The following UGT1A8 variants were observed in gnomAD, a reference collection of about 807,000 sequenced individuals.
UGT1A8 encodes the protein UDP glucuronosyltransferase family 1 member A8, also known as UDP-glucuronosyltransferase 1A8.
In UGT1A8, 39 loss-of-function variants were observed where a neutral mutation model predicts 45.3. The ratio of observed to expected loss-of-function variants is 0.86; its 90% confidence interval spans 0.67 to 1.12. The LOEUF (loss-of-function observed/expected upper bound fraction) is 1.12, where lower values mean the gene tolerates loss of function less well. Among genes scored for constraint, UGT1A8 ranks in the 50% most tolerant of loss-of-function variants. The probability of loss-of-function intolerance (pLI) is 0.00; values close to 1 mark genes in which losing one functional copy is unlikely to be tolerated. For synonymous variants in UGT1A8, 275 were observed against 249.2 expected (o/e 1.10, Z -0.97); for missense variants, 719 against 664.9 (o/e 1.08, Z -0.90).
intron 1 of UGT1A8, among the ~76,000 whole-genome samples, chr2:233,723,516 C>CTTT (rs1162916866): frequency 1.9e-4 from 16 of 85,394 alleles, no homozygotes; most frequent in African/African-American, 7.3e-4. Context: ...GGTCAACAAT[C>CTTT]TTTTTTTTTT....
intron 1 of UGT1A8, among the ~76,000 whole-genome samples, chr2:233,643,335 AC>A (rs1403509788): frequency 6.6e-6 from 1 of 151,936 alleles, no homozygotes; most frequent in South Asian, 2.1e-4. Flanking sequence ...AGCCACTGCC[AC>A]CCCTGGCCAT....
intron 1 of UGT1A8, among the ~76,000 whole-genome samples, chr2:233,662,312 T>G (rs2073989605): frequency 6.6e-6 from 1 of 152,214 alleles, no homozygotes; most frequent in Admixed American, 6.5e-5. Flanking sequence ...TCTTAATTTT[T>G]TCACTATTGT....
In UGT1A8 at chr2:233,768,278, C is replaced by T. The variant is rs72551354; in HGVS notation, c.1134C>T (p.Ser378=). The change falls in exon 4 of 5, where the codon AGC becomes AGT. Residue 378 remains serine, a synonymous_variant. Coordinates refer to ENST00000373450, the MANE Select transcript of UGT1A8 (RefSeq NM_019076.5). ...THAGSHGVYE[S]ICNGVPMVMM... is the part of the protein sequence containing the mutation. ...CTGGTTCCCATGGTGTTTATGAAAG[C>T]ATATGCAATGGCGTTCCCATGGTGA... 6.2e-7 allele frequency: 1 copy of T among 1,614,064 alleles called. No individual in the cohort carries two copies. The highest frequency in any genetic ancestry group is 1.3e-5 in the African/African-American group (1 of 74,924).
intron 1 of UGT1A8, among the ~76,000 whole-genome samples, chr2:233,680,099 T>C (rs17874939): frequency 6.6e-6 from 1 of 152,166 alleles, no homozygotes; most frequent in African/African-American, 2.4e-5. Context: ...CAGGCAATCA[T>C]AGCGGCAGAG....
intron 1 of UGT1A8, among the ~76,000 whole-genome samples, chr2:233,650,380 G>T (rs1028820439): frequency 2.0e-5 from 3 of 152,204 alleles, no homozygotes; most frequent in African/African-American, 7.2e-5. Flanking sequence ...TTGTTCAACT[G>T]AAATTTTTGT....
At chr2:233,645,631 C>G (rs2073580487) in intron 1 of UGT1A8, among the ~76,000 whole-genome samples, 1 of 152,192 alleles carries the variant, frequency 6.6e-6, no homozygotes, top group Non-Finnish European at 1.5e-5. Context: ...GCAGGGCAGT[C>G]AAATCTTAAA....
intron 1 of UGT1A8, among the ~76,000 whole-genome samples, chr2:233,668,777 G>A (rs1161634218): frequency 6.6e-6 from 1 of 152,158 alleles, no homozygotes; most frequent in Non-Finnish European, 1.5e-5. Flanking sequence ...CAAAGTCTAT[G>A]TTTTCTTTAG....
chr2:233,765,405 A>G (rs568434598), intron 1 of UGT1A8, among the ~76,000 whole-genome samples: 1 of 152,328 alleles, frequency 6.6e-6, no homozygotes, highest in South Asian at 2.1e-4. Context: ...GTACATATAC[A>G]CCATGGAATA....
At chr2:233,741,974 C>A (rs1011197699) in intron 1 of UGT1A8, 2 of 151,852 alleles carry the variant, frequency 1.3e-5, no homozygotes, top group Non-Finnish European at 2.9e-5. Context: ...GTTTATGGTG[C>A]CTCACCCAAA....
chr2:233,662,052 A>G (rs2073981894), intron 1 of UGT1A8, among the ~76,000 whole-genome samples: 1 of 152,174 alleles, frequency 6.6e-6, no homozygotes. Flanking sequence ...GGGGGTGGCT[A>G]TGAAATTATC....
At chr2:233,702,484 C>A (rs78147153) in intron 1 of UGT1A8, among the ~76,000 whole-genome samples, 2,743 of 152,176 alleles carry the variant, frequency 0.018, 79 homozygotes, top group African/African-American at 0.062. Context: ...CTGGCTTGAA[C>A]CTCTAGTACC....
chr2:233,635,050 T>C (rs1038499822), intron 1 of UGT1A8, among the ~76,000 whole-genome samples: 2 of 150,904 alleles, frequency 1.3e-5, no homozygotes, highest in Non-Finnish European at 2.9e-5. Context: ...TTATTTCTCT[T>C]TCACTTATGA....
At chr2:233,727,747 T>A (rs1157113585) in intron 1 of UGT1A8, among the ~76,000 whole-genome samples, 1 of 152,214 alleles carries the variant, frequency 6.6e-6, no homozygotes, top group Non-Finnish European at 1.5e-5. Flanking sequence ...ATCCTGCGTG[T>A]GCTGCCCTTG....
chr2:233,772,134 T>C (rs1486740901), intron 4 of UGT1A8, 128 bp from the exon 5 acceptor site: 2 of 1,545,866 alleles, frequency 1.3e-6, no homozygotes, highest in Non-Finnish European at 1.7e-6. Flanking sequence ...ACAACAACAA[T>C]AATAGAAACA....
intron 1 of UGT1A8, among the ~76,000 whole-genome samples, chr2:233,679,169 G>A (rs1205832455): frequency 6.6e-5 from 10 of 152,164 alleles, no homozygotes; most frequent in African/African-American, 2.2e-4. Flanking sequence ...TTGGAAGCAC[G>A]TAGACCATTT....
intron 1 of UGT1A8, among the ~76,000 whole-genome samples, chr2:233,703,726 CT>C (rs958884874): frequency 4.0e-5 from 6 of 151,698 alleles, no homozygotes; most frequent in Admixed American, 1.3e-4. Context: ...TAAATATAAA[CT>C]TTTTTTTGTT....
chr2:233,762,086 T>A (rs1422736816), intron 1 of UGT1A8, among the ~76,000 whole-genome samples: 1 of 152,194 alleles, frequency 6.6e-6, no homozygotes, highest in African/African-American at 2.4e-5. Context: ...CCATTTCACT[T>A]AGATAGTTGT....
chr2:233,671,376 AG>A (rs570390845), intron 1 of UGT1A8, among the ~76,000 whole-genome samples: 185 of 152,330 alleles, frequency 1.2e-3, no homozygotes, highest in African/African-American at 4.2e-3. Context: ...GAGGCTTCTC[AG>A]GGTTTGGAAA....
intron 1 of UGT1A8, among the ~76,000 whole-genome samples, chr2:233,738,018 T>C (rs11902624): frequency 0.019 from 2,936 of 152,240 alleles, 43 homozygotes; most frequent in African/African-American, 0.03. Flanking sequence ...TCTTGAATTG[T>C]AATCCCCATA....
Sources: allele counts gnomAD v4.1 joint callset (sites outside exome capture counted in the v4.1 genomes callset), GRCh38; gene constraint gnomAD v4.1.1; transcripts MANE v1.5; gene names NCBI Gene and HGNC (gene_info 2026-07-23, HGNC 2026-07-21).